The following LYST variants were observed in gnomAD, a reference collection of about 807,000 sequenced individuals.
The protein encoded by LYST is lysosomal-trafficking regulator.
In LYST, 192 loss-of-function variants were observed where a neutral mutation model predicts 413.6. The observed-to-expected ratio is 0.46, with a 90% CI of 0.41 to 0.52. LYST has a LOEUF of 0.52. LYST is among the 20% of genes least tolerant of loss of function. The pLI is 0.00. For synonymous variants in LYST, 1,525 were observed against 1,567.3 expected (o/e 0.97, Z 0.64); for missense variants, 3,815 against 4,499.9 (o/e 0.85, Z 4.35).
intron 42 of LYST, among the ~76,000 whole-genome samples, chr1:235,714,917 T>G (rs1558144140): frequency 1.3e-5 from 2 of 152,230 alleles, no homozygotes; most frequent in African/African-American, 2.4e-5. Flanking sequence ...TTTAAAAGGG[T>G]AAATTTTATG....
rs200179826 is a variant in LYST at position 235,806,391 on chromosome 1, A to C, written c.2745T>G (p.Ser915=). 7.0e-5 allele frequency: 113 copies of C among 1,613,976 alleles called. No homozygotes were observed. The highest frequency in any genetic ancestry group is 9.5e-5 in the Non-Finnish European group (112 of 1,180,016). ...CTGAGTCATTGGCCGACTCCCTGTC[A>C]GACTCTGCTTCTTTACTTACGCATA... ...AFLCVSKEAE[S]DRESANDSED... The change falls in exon 6 of 53, where the codon TCT becomes TCG. Residue 915 remains serine (S), a synonymous_variant. Transcript: ENST00000389793.
intron 39 of LYST, among the ~76,000 whole-genome samples, 154 bp from the exon 40 acceptor site, chr1:235,721,059 A>C (rs1663321862): frequency 6.6e-6 from 1 of 152,186 alleles, no homozygotes; most frequent in Non-Finnish European, 1.5e-5. Context: ...TAGAGAACTG[A>C]GATTCAAGTC....
intron 10 of LYST, among the ~76,000 whole-genome samples, chr1:235,794,258 C>T (rs1671330975): frequency 6.6e-6 from 1 of 152,172 alleles, no homozygotes; most frequent in African/African-American, 2.4e-5. Context: ...AGTCTGCTAT[C>T]TTATCTTGAA....
chr1:235,806,583 A>G lies in LYST; in HGVS notation c.2553T>C (p.Ser851=), dbSNP rs769690916. ...GATGAAAAGAAGTACCCACATGTACAGAGGACAACTCCTTCTGTTCAATGT... is the reference window on the plus strand; with the variant it reads ...GATGAAAAGAAGTACCCACATGTACGGAGGACAACTCCTTCTGTTCAATGT... ...GIDIEQKELS[S]VHVGTSFHHQ... The change falls in exon 6 of 53, where the codon TCT becomes TCC. Residue 851 remains serine, a synonymous_variant. Coordinates refer to ENST00000389793, the MANE Select transcript of LYST (RefSeq NM_000081.4). The G allele has an allele frequency of 3.7e-6, 6 of 1,614,004 alleles. No homozygotes were observed. Among genetic ancestry groups the G allele is most frequent in the South Asian group, 1.1e-5 (1 of 91,090 alleles).
intron 1 of LYST, among the ~76,000 whole-genome samples, chr1:235,848,107 C>T (rs1678084647): frequency 6.6e-6 from 1 of 152,118 alleles, no homozygotes; most frequent in African/African-American, 2.4e-5. Context: ...ATGGAACTTT[C>T]TCCAAGATAG....
At chr1:235,725,361 G>A (rs1368913388) in intron 38 of LYST, among the ~76,000 whole-genome samples, 1 of 152,124 alleles carries the variant, frequency 6.6e-6, no homozygotes, top group Non-Finnish European at 1.5e-5. Flanking sequence ...CTGAACCCAG[G>A]AGGCGGAGGT....
chr1:235,755,702 A>G, intron 24 of LYST, 55 bp from the exon 25 acceptor site: 1 of 912,262 alleles, frequency 1.1e-6, no homozygotes, highest in South Asian at 1.3e-5. Context: ...AATATAATAT[A>G]TACAAATCAG....
In LYST at chr1:235,806,310, T is replaced by C. The variant is rs149558986; in HGVS notation, c.2826A>G (p.Pro942=). The part of the protein sequence containing the change: ...TASEPLSHML[P]CISLESLVLP... The stretch of plus-strand genomic sequence containing the variant: ...AGACAAGGCTCTCGAGAGATATACA[T>C]GGCAGCATATGACTTAAAGGCTCGC... Residue 942 remains proline, a synonymous_variant, in exon 6 of 53, where the codon CCA becomes CCG. Transcript: ENST00000389793. The C allele has an allele frequency of 2.4e-4, 390 of 1,614,020 alleles. No homozygotes were observed. Among genetic ancestry groups the C allele is most frequent in the Non-Finnish European group, 3.1e-4 (366 of 1,179,968 alleles).
intron 41 of LYST, among the ~76,000 whole-genome samples, chr1:235,716,003 A>T (rs192913849): frequency 9.8e-5 from 15 of 152,288 alleles, no homozygotes; most frequent in Non-Finnish European, 1.5e-5. Flanking sequence ...TAACAAAGTC[A>T]GGTATAGTGA....
chr1:235,847,542 C>T (rs529719022), intron 1 of LYST, among the ~76,000 whole-genome samples: 85 of 152,236 alleles, frequency 5.6e-4, no homozygotes, highest in African/African-American at 1.9e-3. Flanking sequence ...GGAACCATAC[C>T]GCACATTTCA....
intron 1 of LYST, among the ~76,000 whole-genome samples, chr1:235,857,204 C>A (rs1464873060): frequency 6.6e-6 from 1 of 152,018 alleles, no homozygotes; most frequent in Non-Finnish European, 1.5e-5. Flanking sequence ...TTAGGCAAAT[C>A]AAGATGTTTG....
intron 16 of LYST, among the ~76,000 whole-genome samples, chr1:235,780,570 T>C (rs916606180): frequency 2.6e-5 from 4 of 152,094 alleles, no homozygotes; most frequent in African/African-American, 9.7e-5. Flanking sequence ...TTATTTTCAC[T>C]GTATCATAAA....
At position 235,725,848 on chromosome 1, in the gene LYST, T is replaced by C. The variant is rs76657356; in HGVS notation, c.9163-1668A>G. On this transcript the variant is annotated intron_variant, in intron 38 of 52. Coordinates refer to ENST00000389793, the MANE Select transcript of LYST (RefSeq NM_000081.4). The stretch of plus-strand genomic sequence containing the variant: ...TGAATCTGCTTGAGAGTATTAATCC[T>C]AGTGTACTCAGACAAATCCCCACAT... Among the ~76,000 whole-genome samples the C allele has an allele frequency of 7.8e-3, 1,193 of 152,232 alleles. 19 individuals are homozygous for C. Among genetic ancestry groups the C allele is most frequent in the African/African-American group, 0.027 (1,111 of 41,526 alleles).
At chr1:235,835,101 G>T (rs1002008285) in intron 1 of LYST, among the ~76,000 whole-genome samples, 23 of 60,586 alleles carry the variant, frequency 3.8e-4, no homozygotes, top group Admixed American at 2.9e-3. Context: ...TATTTTTAAT[G>T]GGGGGGGGTT....
At chr1:235,780,437 G>C (rs910016918) in intron 16 of LYST, among the ~76,000 whole-genome samples, 24 of 151,538 alleles carry the variant, frequency 1.6e-4, no homozygotes, top group African/African-American at 5.8e-4. Context: ...AAAAGAGTAG[G>C]TTTTCTAAGA....
chr1:235,739,135 A>G (rs190973330), intron 31 of LYST: 1 of 492,282 alleles, frequency 2.0e-6, no homozygotes, highest in East Asian at 5.7e-5. Context: ...TAAGGTTAGA[A>G]ATAGGAATGG....
intron 32 of LYST, 46 bp downstream of exon 32, chr1:235,734,437 C>T (rs569259751): frequency 3.5e-6 from 5 of 1,432,846 alleles, no homozygotes; most frequent in Non-Finnish European, 4.9e-6. Context: ...CATTCTTTAT[C>T]TATGATGGAA....
At chr1:235,791,218 G>T (rs1670946302) in intron 12 of LYST, among the ~76,000 whole-genome samples, 1 of 152,138 alleles carries the variant, frequency 6.6e-6, no homozygotes, top group East Asian at 1.9e-4. Context: ...GGAGGCGGAG[G>T]TTGCAGTGAG....
intron 44 of LYST, among the ~76,000 whole-genome samples, chr1:235,704,648 A>G (rs996226252): frequency 2.6e-5 from 4 of 152,086 alleles, no homozygotes; most frequent in African/African-American, 9.7e-5. Context: ...GATGCTGGAT[A>G]TTACACCTTT....
Sources: gnomAD v4.1 joint callset for allele counts (sites outside exome capture counted in the v4.1 genomes callset) on GRCh38, gnomAD v4.1.1 for gene constraint, MANE v1.5 for transcripts, NCBI Gene and HGNC (gene_info 2026-07-23, HGNC 2026-07-21) for gene names.